Variants in TPR observed in about 807,000 individuals in gnomAD.
TPR encodes the protein nucleoprotein TPR.
In TPR, 51 loss-of-function variants were observed where a neutral mutation model predicts 316.1. The ratio of observed to expected loss-of-function variants is 0.16; its 90% CI spans 0.13 to 0.20. The LOEUF is 0.20. Ranked by LOEUF, TPR falls within the 10% of genes least tolerant of loss-of-function variation. TPR has a pLI of 1.00. For missense variants in TPR, 2,272 were observed against 2,754.8 expected, an observed-to-expected ratio of 0.82 and a Z score of 3.92; for synonymous variants, 981 against 914.7, an observed-to-expected ratio of 1.07 and a Z score of -1.31.
At chr1:186,371,100 G>C (rs1048044624) in intron 2 of TPR, 57 bp from the exon 3 acceptor site, 2 of 1,333,294 alleles carry the variant, frequency 1.5e-6, no homozygotes, top group African/African-American at 2.9e-5. Context: ...TGCAATGAGT[G>C]TTTTTATGCA....
intron 17 of TPR, among the ~76,000 whole-genome samples, chr1:186,354,644 A>T (rs940686844): frequency 3.3e-5 from 5 of 152,192 alleles, no homozygotes; most frequent in African/African-American, 1.2e-4. Flanking sequence ...CTAAACTAAC[A>T]AGCATTCAAT....
At position 186,326,187 on chromosome 1, in the gene TPR, C is replaced by T. The variant is rs771528480; in HGVS notation, c.5938G>A (p.Gly1980Arg). 1 of 1,611,052 alleles carries T rather than the reference C, an allele frequency of 6.2e-7. No individual in the cohort carries two copies. The highest frequency in any genetic ancestry group is 8.5e-7 in the Non-Finnish European group (1 of 1,177,480). Residue 1980 changes from glycine to arginine, a missense_variant, in exon 41 of 51, where the codon GGG (glycine) becomes AGG (arginine). Coordinates refer to ENST00000367478, the MANE Select transcript of TPR (RefSeq NM_003292.3). ...CTATCTTCACCCTCATCTCCCATCC[C>T]TGTGTCATCTTCATCATCATCATCA... Reference protein sequence around the residue: ...EDDDDDEDDTGMGDEGEDSNE... With the variant: ...EDDDDDEDDTRMGDEGEDSNE...
chr1:186,326,332 TA>T (rs1657932144), intron 40 of TPR, 97 bp from the exon 41 acceptor site: 4 of 1,507,822 alleles, frequency 2.7e-6, no homozygotes, highest in Non-Finnish European at 3.5e-6. Context: ...AGTGACTCAT[TA>T]ATCAGAAGAT....
chr1:186,313,904 C>T lies in TPR; in HGVS notation c.*67G>A. 2.6e-6 allele frequency: 4 copies of T among 1,561,340 alleles called. No homozygotes were observed. The highest frequency in any genetic ancestry group is 2.6e-6 in the Non-Finnish European group (3 of 1,134,228). ...GTTTATATATAAAAATGTTTTTAAACTTGACAATCATTACACTAAAACAGA... is the reference window on the plus strand; with the variant it reads ...GTTTATATATAAAAATGTTTTTAAATTTGACAATCATTACACTAAAACAGA... On this transcript the variant is annotated 3_prime_UTR_variant, in exon 51 of 51. Transcript: ENST00000367478.
intron 36 of TPR, 76 bp downstream of exon 36, chr1:186,334,249 G>A (rs1042982518): frequency 1.4e-6 from 2 of 1,383,164 alleles, no homozygotes; most frequent in Admixed American, 2.3e-5. Context: ...TGCTTCATTT[G>A]TCTTTGAAAT....
At chr1:186,337,201 G>A (rs776894107) in intron 31 of TPR, 45 bp from the exon 32 acceptor site, 2 of 1,544,208 alleles carry the variant, frequency 1.3e-6, no homozygotes. Context: ...TTTATATTCA[G>A]TAATTCCATT....
intron 21 of TPR, 142 bp from the exon 22 acceptor site, chr1:186,347,600 A>C (rs12739797): frequency 0.1 from 82,131 of 807,462 alleles, 6,238 homozygotes; most frequent in East Asian, 0.4. Context: ...CGAATACCAA[A>C]ATAAAAGCAG....
intron 6 of TPR, 125 bp from the exon 7 acceptor site, chr1:186,362,505 A>T: frequency 1.4e-6 from 1 of 726,374 alleles, no homozygotes. Context: ...AGCAATTAAA[A>T]TATGCATATT....
At chr1:186,328,826 C>G (rs1658073685) in intron 39 of TPR, among the ~76,000 whole-genome samples, 1 of 152,114 alleles carries the variant, frequency 6.6e-6, no homozygotes, top group Admixed American at 6.5e-5. Context: ...TTGTTAACTA[C>G]TGAAATAAAC....
rs76658724 is a variant in TPR at position 186,315,229 on chromosome 1, C to CA, written c.6941-506dup. Among the ~76,000 whole-genome samples the CA allele has an allele frequency of 2.4e-3, 337 of 141,298 alleles. 3 individuals are homozygous for CA. Among genetic ancestry groups the CA allele is most frequent in the East Asian group, 0.016 (76 of 4,870 alleles). The allele number at this position is 141,298 out of a possible 152,430, so 92.7% of individuals were successfully genotyped here. On this transcript the variant is annotated intron_variant, in intron 49 of 50. Transcript: ENST00000367478. ...CTCAAAAAAAAAACAAACAAACAAA[C>CA]AAAAAAAAAACACCAAAAAAAAACC...
chr1:186,361,137 A>G (rs1401782774), intron 9 of TPR, among the ~76,000 whole-genome samples: 1 of 152,044 alleles, frequency 6.6e-6, no homozygotes, highest in Non-Finnish European at 1.5e-5. Context: ...AGGAAACCCA[A>G]AGGGTAAAAA....
chr1:186,322,959 TTAAGA>T (rs1467242824), intron 43 of TPR, among the ~76,000 whole-genome samples: 11 of 152,208 alleles, frequency 7.2e-5, no homozygotes, highest in Non-Finnish European at 1.3e-4. Flanking sequence ...TGTTTTCCAG[TTAAGA>T]TAATTCTAAA....
chr1:186,350,594 A>G lies in TPR; in HGVS notation c.2611-206T>C, dbSNP rs894383309. On this transcript the variant is annotated intron_variant, in intron 20 of 50. Coordinates refer to ENST00000367478, the MANE Select transcript of TPR (RefSeq NM_003292.3). Reference sequence around the variant, plus strand: ...AGAAAACCAAAGAGGTGAACCTTAGATTGCCTTAGTTTACTGATTTAAAAG... The same window carrying G: ...AGAAAACCAAAGAGGTGAACCTTAGGTTGCCTTAGTTTACTGATTTAAAAG... 2.6e-5 allele frequency among the ~76,000 whole-genome samples: 4 copies of G among 152,138 alleles called. No individual in the cohort carries two copies. The East Asian group carries it at 5.8e-4, about 22-fold the overall frequency.
chr1:186,341,542 C>G (rs947929767), intron 27 of TPR, 153 bp from the exon 28 acceptor site: 1 of 738,436 alleles, frequency 1.4e-6, no homozygotes. Context: ...GTTTACTTTT[C>G]TGTGAGGCAT....
At chr1:186,374,592 A>G (rs953900084) in intron 1 of TPR, among the ~76,000 whole-genome samples, 1 of 152,138 alleles carries the variant, frequency 6.6e-6, no homozygotes, top group Admixed American at 6.5e-5. Context: ...GGGTTCGCAG[A>G]CTCTATCAAG....
intron 49 of TPR, among the ~76,000 whole-genome samples, chr1:186,315,520 A>T (rs1657583781): frequency 6.6e-6 from 1 of 151,982 alleles, no homozygotes; most frequent in African/African-American, 2.4e-5. Flanking sequence ...TAACTCTACC[A>T]TCTCACCTAA....
intron 48 of TPR, among the ~76,000 whole-genome samples, chr1:186,317,819 C>T (rs1657655039): frequency 6.6e-6 from 1 of 152,130 alleles, no homozygotes; most frequent in Non-Finnish European, 1.5e-5. Context: ...ATGACATGTT[C>T]CAATTTTAGT....
At chr1:186,327,025 A>T (rs1341480970) in intron 40 of TPR, among the ~76,000 whole-genome samples, 1 of 55,208 alleles carries the variant, frequency 1.8e-5, no homozygotes, top group African/African-American at 7.3e-5. Flanking sequence ...TATATATATT[A>T]TATATATAAA....
rs10911846 is a variant in TPR, at chr1:186,322,380, T to C, written c.6399A>G (p.Thr2133=). ...QQHFFDDEDR[T]VPSTPTLVVP... ...CCACAAGAGTTGGAGTACTTGGAAC[T>C]GTTCTGTCTTCATCATCAAAAAAAT... The change falls in exon 45 of 51, where the codon ACA becomes ACG. Residue 2133 remains threonine (T), a synonymous_variant. Transcript: ENST00000367478. The C allele has an allele frequency of 0.046, 74,951 of 1,613,078 alleles. 1,945 individuals carry two copies. Among genetic ancestry groups the C allele is most frequent in the Non-Finnish European group, 0.05 (58,506 of 1,179,680 alleles).
Sources: allele counts gnomAD v4.1 joint callset (sites outside exome capture counted in the v4.1 genomes callset), GRCh38; gene constraint gnomAD v4.1.1; transcripts MANE v1.5; gene names NCBI Gene and HGNC (gene_info 2026-07-23, HGNC 2026-07-21).